The following ACBD6 variants were observed in gnomAD, a reference collection of about 807,000 sequenced individuals.
The protein encoded by ACBD6 is acyl-CoA-binding domain-containing protein 6.
A neutral mutation model predicts 37.2 loss-of-function variants in ACBD6; 28 were observed. The observed-to-expected ratio is 0.75, with a 90% CI of 0.56 to 1.03. ACBD6 has a LOEUF of 1.03. ACBD6 is among the 50% of genes least tolerant of loss of function. The probability of loss-of-function intolerance (pLI) is 0.00; values close to 1 mark genes in which losing one functional copy is unlikely to be tolerated. For synonymous variants in ACBD6, 113 were observed against 126.8 expected (o/e 0.89, Z 0.73); for missense variants, 340 against 337.4 (o/e 1.01, Z -0.06).
intron 6 of ACBD6, among the ~76,000 whole-genome samples, chr1:180,384,580 C>A (rs1159046978): frequency 8.6e-6 from 1 of 116,004 alleles, no homozygotes; most frequent in African/African-American, 4.1e-5. Context: ...CACTATGGGG[C>A]AACAGTATGA....
At chr1:180,424,366 GA>G (rs1648498682) in intron 4 of ACBD6, among the ~76,000 whole-genome samples, 1 of 152,006 alleles carries the variant, frequency 6.6e-6, no homozygotes, top group Non-Finnish European at 1.5e-5. Context: ...CTTATCTTAA[GA>G]ATTCAGCATA....
Position 180,280,371 on chromosome 1 carries a change from T to G in ACBD6, c.*174+935A>C, listed in dbSNP as rs2764455. Among the ~76,000 whole-genome samples the G allele has an allele frequency of 6.2e-5, 9 of 146,292 alleles. No individual in the cohort carries two copies. The South Asian group carries it at 1.5e-3, about 24-fold the overall frequency. On this transcript the variant is annotated intron_variant, in intron 9 of 13. Transcript: ENST00000642319. ...GATAGAGAAAACTTAAAAAAAAAAATGCACTACATAGAACAATTTACTTAG... is the reference window on the plus strand; with the variant it reads ...GATAGAGAAAACTTAAAAAAAAAAAGGCACTACATAGAACAATTTACTTAG...
intron 6 of ACBD6, among the ~76,000 whole-genome samples, chr1:180,338,903 T>C (rs754414324): frequency 2.0e-5 from 3 of 152,158 alleles, no homozygotes; most frequent in African/African-American, 4.8e-5. Context: ...AAGAAGACAT[T>C]TATGCAGCCA....
intron 1 of ACBD6, among the ~76,000 whole-genome samples, chr1:180,500,413 C>A (rs938806546): frequency 2.0e-5 from 3 of 152,008 alleles, no homozygotes; most frequent in Non-Finnish European, 2.9e-5. Flanking sequence ...CAAATGTTGG[C>A]GGGGCGTGGT....
intron 3 of ACBD6, among the ~76,000 whole-genome samples, chr1:180,485,416 G>A (rs1455734929): frequency 1.3e-5 from 2 of 152,108 alleles, no homozygotes; most frequent in African/African-American, 4.8e-5. Flanking sequence ...AGGTCATACT[G>A]GATTAAGGTG....
chr1:180,472,161 C>T (rs1377425129), intron 3 of ACBD6, among the ~76,000 whole-genome samples: 1 of 152,198 alleles, frequency 6.6e-6, no homozygotes, highest in African/African-American at 2.4e-5. Context: ...GTCAGTCCCA[C>T]TATAGTGTCA....
intron 5 of ACBD6, among the ~76,000 whole-genome samples, chr1:180,402,754 C>T (rs529000550): frequency 1.2e-3 from 175 of 151,088 alleles, no homozygotes; most frequent in African/African-American, 4.1e-3. Context: ...CCGTGATCGA[C>T]GTCACTGTAC....
At chr1:180,461,817 A>G (rs1436725138) in intron 3 of ACBD6, among the ~76,000 whole-genome samples, 1 of 152,184 alleles carries the variant, frequency 6.6e-6, no homozygotes, top group Non-Finnish European at 1.5e-5. Flanking sequence ...CAGCCACTAC[A>G]AAAACACACT....
chr1:180,469,870 A>T (rs1213612715), intron 3 of ACBD6, among the ~76,000 whole-genome samples: 1 of 152,204 alleles, frequency 6.6e-6, no homozygotes, highest in Non-Finnish European at 1.5e-5. Context: ...TAAAATTTAT[A>T]CTTGCATTGC....
intron 6 of ACBD6, among the ~76,000 whole-genome samples, chr1:180,342,076 C>T (rs1312685568): frequency 6.6e-6 from 1 of 152,028 alleles, no homozygotes; most frequent in African/African-American, 2.4e-5. Flanking sequence ...AAGTGTTCTA[C>T]TGTTTAATGT....
At chr1:180,270,961 G>T in exon 14 of ACBD6, 1 of 311,388 alleles carries the variant, frequency 3.2e-6, no homozygotes. Flanking sequence ...GAGACAGAGG[G>T]GAGGGCATCT....
Position 180,297,143 on chromosome 1 carries a change from A to C in ACBD6, c.695-8626T>G, listed in dbSNP as rs567253255. ...CTCTAACGGTACTTAGGTAAAGATA[A>C]AGTAGTTTCTCTGGTTCCCTTGACC... On this transcript the variant is annotated intron_variant, in intron 7 of 7. Coordinates refer to ENST00000367595, the MANE Select transcript of ACBD6 (RefSeq NM_032360.4). 2.6e-5 allele frequency among the ~76,000 whole-genome samples: 4 copies of C among 152,222 alleles called. No homozygotes were observed. In the East Asian group the frequency reaches 7.8e-4, roughly 30 times the overall value.
intron 9 of ACBD6, among the ~76,000 whole-genome samples, chr1:180,279,839 TA>T (rs78141564): frequency 5.3e-3 from 747 of 141,988 alleles, no homozygotes; most frequent in Middle Eastern, 0.014. Flanking sequence ...TTCATTACAT[TA>T]AAAAAAAAAA....
chr1:180,277,308 A>C (rs1649093848), intron 9 of ACBD6: 1 of 152,102 alleles, frequency 6.6e-6, no homozygotes. Flanking sequence ...TCTTAGAGGC[A>C]CTCCTCTGTT....
intron 2 of ACBD6, among the ~76,000 whole-genome samples, chr1:180,493,267 A>AAACC (rs1651587381): frequency 9.1e-6 from 1 of 110,296 alleles, no homozygotes; most frequent in African/African-American, 4.7e-5. Context: ...AAAAAAAAAA[A>AAACC]AAAAAAAAAA....
At chr1:180,490,253 A>T (rs1204407725) in intron 3 of ACBD6, among the ~76,000 whole-genome samples, 1 of 152,222 alleles carries the variant, frequency 6.6e-6, no homozygotes, top group Non-Finnish European at 1.5e-5. Flanking sequence ...TGATTTTCAG[A>T]TTTTAAGCCC....
At position 180,349,585 on chromosome 1, in the gene ACBD6, AAAAT is replaced by A. The variant is rs1402396884; in HGVS notation, c.664-34867_664-34864del. 2.4e-4 allele frequency among the ~76,000 whole-genome samples: 4 copies of A among 16,588 alleles called. No homozygotes were observed. The East Asian group carries it at 0.025, about 105-fold the overall frequency. The allele number at this position is 16,588 out of a possible 152,430, so 10.9% of individuals were successfully genotyped here. On this transcript the variant is annotated intron_variant, in intron 6 of 7. Coordinates refer to ENST00000367595, the MANE Select transcript of ACBD6 (RefSeq NM_032360.4). ...ATTTCTTTAGTATAAAAAAATAAATAAAATTTTTTTTAGTATAATAAATTTTATG... is the reference window on the plus strand; with the variant it reads ...ATTTCTTTAGTATAAAAAAATAAATATTTTTTTAGTATAATAAATTTTATG...
chr1:180,323,562 T>G (rs936037067), intron 6 of ACBD6, among the ~76,000 whole-genome samples: 4 of 152,226 alleles, frequency 2.6e-5, no homozygotes, highest in Admixed American at 2.0e-4. Context: ...TAATATTTCC[T>G]TTATGTATCT....
chr1:180,493,560 G>A (rs1651611186), intron 2 of ACBD6, among the ~76,000 whole-genome samples: 1 of 151,918 alleles, frequency 6.6e-6, no homozygotes, highest in South Asian at 2.1e-4. Flanking sequence ...TCTTTCTGAG[G>A]TTTTCTAAAT....
Sources: gnomAD v4.1 joint callset for allele counts (sites outside exome capture counted in the v4.1 genomes callset) on GRCh38, gnomAD v4.1.1 for gene constraint, MANE v1.5 for transcripts, NCBI Gene and HGNC (gene_info 2026-07-23, HGNC 2026-07-21) for gene names.